Variants in ATP8B4 observed in about 807,000 individuals in gnomAD.
ATP8B4 encodes the protein probable phospholipid-transporting ATPase IM.
In ATP8B4, 133 loss-of-function variants were observed where a neutral mutation model predicts 145.6. That is an observed-to-expected ratio of 0.91 (90% CI 0.79 to 1.05). The LOEUF is 1.05. Among genes scored for constraint, ATP8B4 ranks in the 50% least tolerant of loss-of-function variants. ATP8B4 has a pLI of 0.00. For synonymous variants in ATP8B4, 507 were observed against 492.9 expected (o/e 1.03, Z -0.38); for missense variants, 1,458 against 1,425.2 (o/e 1.02, Z -0.37).
intron 6 of ATP8B4, among the ~76,000 whole-genome samples, chr15:50,029,040 C>G (rs1199674040): frequency 6.6e-6 from 1 of 151,934 alleles, no homozygotes; most frequent in African/African-American, 2.4e-5. Context: ...TGAGACTATC[C>G]TGGCCAACAT....
At chr15:50,052,332 C>G (rs1488203622) in intron 3 of ATP8B4, among the ~76,000 whole-genome samples, 1 of 152,176 alleles carries the variant, frequency 6.6e-6, no homozygotes, top group East Asian at 1.9e-4. Flanking sequence ...CTCTTTGGTG[C>G]TGATAAAAGC....
At chr15:50,173,335 T>C (rs2044715344) in intron 1 of ATP8B4, among the ~76,000 whole-genome samples, 1 of 152,128 alleles carries the variant, frequency 6.6e-6, no homozygotes. Flanking sequence ...GAGACTCCAT[T>C]TTGTTCTGTA....
chr15:50,171,840 GA>G lies in ATP8B4; in HGVS notation c.-43+10420del, dbSNP rs751953358. On this transcript the variant is annotated intron_variant, in intron 1 of 3. Transcript: ENST00000558829. ...AGGAAGATTAACCAAAAAAAGAAAA[GA>G]AAAAAAAATCCAAATAACCTCACTA... Among the ~76,000 whole-genome samples the G allele has an allele frequency of 3.6e-3, 542 of 150,782 alleles. 8 individuals are homozygous for G. The highest frequency in any genetic ancestry group is 5.3e-4 in the Non-Finnish European group (36 of 67,560).
intron 20 of ATP8B4, among the ~76,000 whole-genome samples, chr15:49,915,026 A>G (rs778289568): frequency 6.6e-6 from 1 of 152,148 alleles, no homozygotes; most frequent in Non-Finnish European, 1.5e-5. Flanking sequence ...CTGTAGCACT[A>G]CTCATAATAT....
At chr15:50,126,652 A>G (rs1261015994) in intron 1 of ATP8B4, among the ~76,000 whole-genome samples, 1 of 152,186 alleles carries the variant, frequency 6.6e-6, no homozygotes, top group Non-Finnish European at 1.5e-5. Context: ...TTTAATTCTC[A>G]GGACTAGCTA....
chr15:50,140,891 T>C (rs1173244376), intron 1 of ATP8B4, among the ~76,000 whole-genome samples: 2 of 152,200 alleles, frequency 1.3e-5, no homozygotes, highest in Non-Finnish European at 2.9e-5. Context: ...AAGGTGATTG[T>C]AATGTGCAGG....
At chr15:49,998,880 G>A (rs1325789524) in intron 8 of ATP8B4, among the ~76,000 whole-genome samples, 5 of 130,662 alleles carry the variant, frequency 3.8e-5, no homozygotes, top group South Asian at 4.9e-4. Context: ...TAGGTCTAAC[G>A]TTTAAGTCTT....
At chr15:49,990,679 T>C (rs889331566) in intron 9 of ATP8B4, among the ~76,000 whole-genome samples, 3 of 152,184 alleles carry the variant, frequency 2.0e-5, no homozygotes, top group African/African-American at 7.2e-5. Context: ...AAAGTGAAAG[T>C]CTGTAGTTTA....
At chr15:50,128,526 G>T (rs778146735) in intron 1 of ATP8B4, among the ~76,000 whole-genome samples, 1 of 152,208 alleles carries the variant, frequency 6.6e-6, no homozygotes. Flanking sequence ...TGGATCCAAG[G>T]CTCCCACTTC....
chr15:49,946,612 T>C (rs191517133), intron 14 of ATP8B4, among the ~76,000 whole-genome samples: 3 of 152,326 alleles, frequency 2.0e-5, no homozygotes, highest in Admixed American at 2.0e-4. Context: ...CTTTTTTTTT[T>C]TTTAAATCTC....
chr15:49,863,655 G>A (rs904341740), intron 26 of ATP8B4, among the ~76,000 whole-genome samples: 2 of 152,122 alleles, frequency 1.3e-5, no homozygotes, highest in Non-Finnish European at 2.9e-5. Flanking sequence ...CTACCCAAGA[G>A]CAGCTGATTC....
At chr15:50,024,597 G>C (rs1238189302) in intron 6 of ATP8B4, among the ~76,000 whole-genome samples, 1 of 152,212 alleles carries the variant, frequency 6.6e-6, no homozygotes, top group African/African-American at 2.4e-5. Context: ...AGGCAATTCA[G>C]AAAGTGCCGC....
In ATP8B4 at chr15:49,901,170, CT is replaced by C. The variant is rs771645839; in HGVS notation, c.2210del (p.Lys737SerfsTer10). ...FSNGHVVCEK[K>X]QQLELDSIVE... ...CAATAGAATCCAACTCCAGCTGCTGCTTTTTTTCACAAACTACATGGCCATT... is the reference window on the plus strand; with the variant it reads ...CAATAGAATCCAACTCCAGCTGCTGCTTTTTTCACAAACTACATGGCCATT... On this transcript the variant is annotated frameshift_variant, in exon 21 of 28. Coordinates refer to ENST00000284509, the MANE Select transcript of ATP8B4 (RefSeq NM_024837.4). LOFTEE classifies it high-confidence loss of function. 4 of 1,613,514 alleles carry C rather than the reference CT, an allele frequency of 2.5e-6. No homozygotes were observed. The highest frequency in any genetic ancestry group is 3.4e-6 in the Non-Finnish European group (4 of 1,179,592).
In ATP8B4 at chr15:49,860,144, A is replaced by C; in HGVS notation, c.*50T>G. ...CAAACTCTGGAGCCAGCAGAATTTC[A>C]GCTCCACCTGAAGTGAAAAGATAAC... On this transcript the variant is annotated 3_prime_UTR_variant, in exon 28 of 28. Transcript: ENST00000284509. 1 of 1,538,694 alleles carries C rather than the reference A, an allele frequency of 6.5e-7. No homozygotes were observed. Among genetic ancestry groups the C allele is most frequent in the African/African-American group, 1.4e-5 (1 of 72,578 alleles).
intron 14 of ATP8B4, among the ~76,000 whole-genome samples, chr15:49,948,076 T>C (rs961385699): frequency 6.6e-6 from 1 of 152,114 alleles, no homozygotes; most frequent in Non-Finnish European, 1.5e-5. Context: ...ACTTCTTGCA[T>C]AGACATGACA....
chr15:49,865,715 C>T (rs1386760160), intron 26 of ATP8B4, among the ~76,000 whole-genome samples: 1 of 152,178 alleles, frequency 6.6e-6, no homozygotes, highest in Non-Finnish European at 1.5e-5. Context: ...GTGTTGCTTG[C>T]TGAATGAGAG....
chr15:50,038,146 AAAG>A (rs146523776), intron 6 of ATP8B4, among the ~76,000 whole-genome samples: 3,722 of 152,280 alleles, frequency 0.024, 156 homozygotes, highest in African/African-American at 0.085. Flanking sequence ...GAAATGATGG[AAAG>A]AAGTTTTAAA....
intron 11 of ATP8B4, among the ~76,000 whole-genome samples, chr15:49,980,949 C>T (rs2046098851): frequency 6.6e-6 from 1 of 152,142 alleles, no homozygotes; most frequent in South Asian, 2.1e-4. Context: ...AAAAACAAAT[C>T]CCTGGGATAT....
At chr15:50,001,944 T>G (rs187910849) in intron 8 of ATP8B4, among the ~76,000 whole-genome samples, 1 of 152,326 alleles carries the variant, frequency 6.6e-6, no homozygotes, top group East Asian at 1.9e-4. Context: ...TATTCCTGTA[T>G]ATAAGTTTCG....
Sources: gnomAD v4.1 joint callset for allele counts (sites outside exome capture counted in the v4.1 genomes callset) on GRCh38, gnomAD v4.1.1 for gene constraint, MANE v1.5 for transcripts, NCBI Gene and HGNC (gene_info 2026-07-23, HGNC 2026-07-21) for gene names.